The following GPSM3 variants were observed in gnomAD, a reference collection of about 807,000 sequenced individuals.
GPSM3 encodes the protein G protein-signaling modulator 3.
A neutral mutation model predicts 20.4 loss-of-function variants in GPSM3; 16 were observed. The ratio of observed to expected loss-of-function variants is 0.78; its 90% CI spans 0.53 to 1.19. The LOEUF is 1.19. GPSM3 is among the 50% of genes most tolerant of loss of function. The pLI is 0.00. For missense variants in GPSM3, 177 were observed against 204.6 expected, an observed-to-expected ratio of 0.86 and a Z score of 0.82; for synonymous variants, 70 against 79.6, an observed-to-expected ratio of 0.88 and a Z score of 0.64.
Position 32,191,105 on chromosome 6 carries a change from G to A in GPSM3, c.*261C>T, listed in dbSNP as rs1787478114. The A allele has an allele frequency of 4.5e-6, 2 of 441,342 alleles. No individual in the cohort carries two copies. The highest frequency in any genetic ancestry group is 7.7e-5 in the East Asian group (2 of 25,896). The allele number at this position is 441,342 out of a possible 1,614,324, so 27.3% of individuals were successfully genotyped here. ...CTCCCAGCCACTCCTTGAGATGGGT[G>A]CCTGGGATCCCCCTTACTGCCTCAA... is the stretch of plus-strand genomic sequence containing the variant. On this transcript the variant is annotated 3_prime_UTR_variant, in exon 4 of 4. Transcript: ENST00000375040. The surrounding 1 kb of genome is among the most constrained non-coding windows in gnomAD (Gnocchi z 5.9).
At position 32,191,457 on chromosome 6, in the gene GPSM3, C is replaced by A. The variant is rs377714438; in HGVS notation, c.392G>T (p.Gly131Val). 2 of 1,587,094 alleles carry A rather than the reference C, an allele frequency of 1.3e-6. No homozygotes were observed. The highest frequency in any genetic ancestry group is 8.6e-7 in the Non-Finnish European group (1 of 1,168,190). The change falls in exon 4 of 4, where the codon GGG becomes GTG. Residue 131 changes from glycine to valine, a missense_variant. Physicochemically the swap from Gly to Val is moderately radical, Grantham distance 109 (BLOSUM62 -3). Coordinates refer to ENST00000375040, the MANE Select transcript of GPSM3 (RefSeq NM_001276501.2). The surrounding 1 kb of genome is among the most constrained non-coding windows in gnomAD (Gnocchi z 5.9). The part of the protein sequence containing the change: ...AQRSEPPLPP[G>V]GQELLELLLR... The stretch of plus-strand genomic sequence containing the variant: ...CAGCAACTCCAGGAGCTCTTGCCCC[C>A]CTGGAGGGAGGGGAGGCTCTGACCG...
rs1172303308 is a variant in GPSM3, at chr6:32,192,568, C to CTGGA, written c.-59_-56dup. 1 of 1,330,536 alleles carries CTGGA rather than the reference C, an allele frequency of 7.5e-7. No individual in the cohort carries two copies. Among genetic ancestry groups the CTGGA allele is most frequent in the East Asian group, 2.8e-5 (1 of 35,780 alleles). The allele number at this position is 1,330,536 out of a possible 1,614,324, so 82.4% of individuals were successfully genotyped here. On this transcript the variant is annotated 5_prime_UTR_variant, in exon 1 of 4. Coordinates refer to ENST00000375040, the MANE Select transcript of GPSM3 (RefSeq NM_001276501.2). The surrounding 1 kb of genome is among the most constrained non-coding windows in gnomAD (Gnocchi z 5.1). ...GGGTGGCTGGGATTTGGGAGGAGGG[C>CTGGA]TGGAACCTTGGGTTCCTGAGGGGAG... is the stretch of plus-strand genomic sequence containing the variant.
Position 32,192,271 on chromosome 6 carries a change from T to C in GPSM3, c.43-21A>G, listed in dbSNP as rs1383921029. ...GGGCCCTGATGCCAAAATATGTCCA[T>C]TCTAGTCAAGCAGTGGTGGTTGAAG... is the stretch of plus-strand genomic sequence containing the variant. On this transcript the variant is annotated intron_variant, in intron 1 of 3. Coordinates refer to ENST00000375040, the MANE Select transcript of GPSM3 (RefSeq NM_001276501.2). This position sits in a 1 kb window ranked among gnomAD's most constrained non-coding sequence, Gnocchi z 5.1. 1.3e-6 allele frequency: 2 copies of C among 1,513,760 alleles called. No homozygotes were observed. Among genetic ancestry groups the C allele is most frequent in the East Asian group, 2.3e-5 (1 of 43,410 alleles). 93.8% of individuals were successfully genotyped at this position (1,513,760 alleles called of 1,614,324 possible). A position where few individuals can be genotyped will look rare whatever the true frequency, so the allele number is the denominator to read the frequency against.
At chr6:32,193,284 G>A (rs1378279357), upstream of GPSM3, among the ~76,000 whole-genome samples, 2 of 152,100 alleles carry the variant, frequency 1.3e-5, no homozygotes, top group East Asian at 3.8e-4. This position sits in a 1 kb window ranked among gnomAD's most constrained non-coding sequence, Gnocchi z 4.7. Flanking sequence ...TGGATTGCCT[G>A]AGCTCAGGAG....
Position 32,191,779 on chromosome 6 carries a change from C to G in GPSM3, c.275G>C (p.Ser92Thr). The change falls in exon 3 of 4, where the codon AGC becomes ACC. Residue 92 changes from serine to threonine, a missense_variant. Transcript: ENST00000375040. The surrounding 1 kb of genome is among the most constrained non-coding windows in gnomAD (Gnocchi z 5.9). ...AGGACGGAGTGGGGCAGGGGCTAGG[C>G]TTGAGGGGTTTTGGGGGGTGTAGAA... ...ATFYTPQNPS[S>T]LAPAPLRPLE... The G allele has an allele frequency of 6.2e-7, 1 of 1,612,446 alleles. No individual in the cohort carries two copies.
At chr6:32,192,828 C>A (rs998798808), upstream of GPSM3, 5 of 342,882 alleles carry the variant, frequency 1.5e-5, no homozygotes, top group Non-Finnish European at 2.6e-5. This position sits in a 1 kb window ranked among gnomAD's most constrained non-coding sequence, Gnocchi z 5.1. Context: ...GGACTCCTGG[C>A]GGTCTCATCT....
rs116519179 is a variant in GPSM3, at chr6:32,191,965, G to A, written c.146-57C>T. 0.015 allele frequency: 22,575 copies of A among 1,499,144 alleles called. 223 individuals carry two copies. The highest frequency in any genetic ancestry group is 0.018 in the Non-Finnish European group (19,196 of 1,081,356). 92.9% of individuals were successfully genotyped at this position (1,499,144 alleles called of 1,614,324 possible). ...CCAGAGAGGTTGGCAGACAGGAGCC[G>A]TGGGGGAGTGTGGACAGGGTGACGT... On this transcript the variant is annotated intron_variant, in intron 2 of 3. Transcript: ENST00000375040. The surrounding 1 kb of genome is among the most constrained non-coding windows in gnomAD (Gnocchi z 5.9).
chr6:32,191,683 G>A lies in GPSM3; in HGVS notation c.345+26C>T, dbSNP rs776463249. 6.4e-7 allele frequency: 1 copy of A among 1,561,908 alleles called. No homozygotes were observed. Among genetic ancestry groups the A allele is most frequent in the South Asian group, 1.2e-5 (1 of 86,342 alleles). ...GGGGCCAAGAGACCAGGAGGCCTGG[G>A]TTTGCCTCCTGGGGGGATGTCTTAC... On this transcript the variant is annotated intron_variant, in intron 3 of 3. Transcript: ENST00000375040. The surrounding 1 kb of genome is among the most constrained non-coding windows in gnomAD (Gnocchi z 5.9).
upstream of GPSM3, chr6:32,194,861 T>G (rs1787751868): frequency 8.6e-6 from 2 of 233,140 alleles, no homozygotes; most frequent in Non-Finnish European, 1.7e-5. This position sits in a 1 kb window ranked among gnomAD's most constrained non-coding sequence, Gnocchi z 4.5. Context: ...CAAATCAGCT[T>G]TATTATGGGT....
At chr6:32,192,900 CTCTT>C (rs564291678), upstream of GPSM3, 125 of 217,984 alleles carry the variant, frequency 5.7e-4, no homozygotes, top group Non-Finnish European at 9.8e-4. The surrounding 1 kb of genome is among the most constrained non-coding windows in gnomAD (Gnocchi z 5.1). Context: ...TCCTCTTCTG[CTCTT>C]TCTGTCAACA....
At position 32,192,003 on chromosome 6, in the gene GPSM3, T is replaced by C; in HGVS notation, c.146-95A>G. On this transcript the variant is annotated intron_variant, in intron 2 of 3. Transcript: ENST00000375040. The surrounding 1 kb of genome is among the most constrained non-coding windows in gnomAD (Gnocchi z 5.1). ...GACAGGGTGACGTGATTAGGGACTT[T>C]GGATCAGAGGAGAGGGGGTGCAATG... 7.5e-7 allele frequency: 1 copy of C among 1,333,466 alleles called. No homozygotes were observed. The highest frequency in any genetic ancestry group is 1.1e-6 in the Non-Finnish European group (1 of 943,534). The allele number at this position is 1,333,466 out of a possible 1,614,324, so 82.6% of individuals were successfully genotyped here.
chr6:32,192,239 C>G lies in GPSM3; in HGVS notation c.54G>C (p.Gln18His). ...TTGGAGGGGGCCAGCCTTCCTCATC[C>G]TGAGGGGGGCCCTGATGCCAAAATA... is the stretch of plus-strand genomic sequence containing the variant. ...EEEDGEQGPPQDEEGWPPPNS... is the reference protein window; with the variant it reads ...EEEDGEQGPPHDEEGWPPPNS... The change falls in exon 2 of 4, where the codon CAG (glutamine) becomes CAC (histidine). Residue 18 changes from glutamine to histidine, a missense_variant. Coordinates refer to ENST00000375040, the MANE Select transcript of GPSM3 (RefSeq NM_001276501.2). This position sits in a 1 kb window ranked among gnomAD's most constrained non-coding sequence, Gnocchi z 5.1. 2 of 1,518,362 alleles carry G rather than the reference C, an allele frequency of 1.3e-6. No homozygotes were observed. The highest frequency in any genetic ancestry group is 2.6e-5 in the South Asian group (2 of 75,578). 94.1% of individuals were successfully genotyped at this position (1,518,362 alleles called of 1,614,324 possible).
chr6:32,192,675 C>T, upstream of GPSM3: 1 of 478,946 alleles, frequency 2.1e-6, no homozygotes, highest in South Asian at 3.3e-5. This position sits in a 1 kb window ranked among gnomAD's most constrained non-coding sequence, Gnocchi z 5.1. Context: ...GTCAGCCCCC[C>T]CACGGGCCCC....
chr6:32,191,570 C>A lies in GPSM3; in HGVS notation c.346-67G>T. 2 of 1,515,208 alleles carry A rather than the reference C, an allele frequency of 1.3e-6. No homozygotes were observed. The highest frequency in any genetic ancestry group is 1.8e-6 in the Non-Finnish European group (2 of 1,130,810). 93.9% of individuals were successfully genotyped at this position (1,515,208 alleles called of 1,614,324 possible). On this transcript the variant is annotated intron_variant, in intron 3 of 3. Transcript: ENST00000375040. This position sits in a 1 kb window ranked among gnomAD's most constrained non-coding sequence, Gnocchi z 5.9. Reference sequence around the variant, plus strand: ...GAGAGGAGGAGGTTCTTGAGAGGATCAAGGGTTGGTATGGGGAGGCATATA... The same window carrying A: ...GAGAGGAGGAGGTTCTTGAGAGGATAAAGGGTTGGTATGGGGAGGCATATA...
Position 32,192,122 on chromosome 6 carries a change from G to C in GPSM3, c.145+26C>G. ...GTCAGGATGTGGGCACTAGGGTCGG[G>C]GCTCTCCCTGGGTGGGTAGGGGTAC... On this transcript the variant is annotated intron_variant, in intron 2 of 3. Transcript: ENST00000375040. This position sits in a 1 kb window ranked among gnomAD's most constrained non-coding sequence, Gnocchi z 5.1. The C allele has an allele frequency of 1.3e-6, 2 of 1,491,596 alleles. No individual in the cohort carries two copies. The highest frequency in any genetic ancestry group is 1.8e-6 in the Non-Finnish European group (2 of 1,111,868). 92.4% of individuals were successfully genotyped at this position (1,491,596 alleles called of 1,614,324 possible).
upstream of GPSM3, chr6:32,195,315 T>C (rs1582759009): frequency 1.1e-6 from 1 of 920,772 alleles, no homozygotes; most frequent in African/African-American, 1.7e-5. This position sits in a 1 kb window ranked among gnomAD's most constrained non-coding sequence, Gnocchi z 5.4. Flanking sequence ...ACATTCATTT[T>C]AGGAGAGAAA....
chr6:32,191,864 G>A lies in GPSM3; in HGVS notation c.190C>T (p.Leu64Phe), dbSNP rs1333438674. The A allele has an allele frequency of 6.2e-7, 1 of 1,611,972 alleles. No homozygotes were observed. The change falls in exon 3 of 4, where the codon CTC becomes TTC. Residue 64 changes from leucine (L) to phenylalanine (F), a missense_variant. Transcript: ENST00000375040. The surrounding 1 kb of genome is among the most constrained non-coding windows in gnomAD (Gnocchi z 5.9). ...SASLLSLQTE[L>F]LLDLVAEAQS... ...GCTTCAGCCACCAGGTCCAGAAGGAGTTCAGTCTGCAGGGAGAGCAGGGAG... is the reference window on the plus strand; with the variant it reads ...GCTTCAGCCACCAGGTCCAGAAGGAATTCAGTCTGCAGGGAGAGCAGGGAG...
chr6:32,192,061 G>GA lies in GPSM3; in HGVS notation c.145+86dup, dbSNP rs1787562884. On this transcript the variant is annotated intron_variant, in intron 2 of 3. Transcript: ENST00000375040. The surrounding 1 kb of genome is among the most constrained non-coding windows in gnomAD (Gnocchi z 5.1). ...CCAAGGGGAGTCTGGAGGAGGTGGG[G>GA]AGAGGGCCCACAATGGAGTGGGCCT... The GA allele has an allele frequency of 1.6e-6, 2 of 1,287,330 alleles. No homozygotes were observed. The allele number at this position is 1,287,330 out of a possible 1,614,324, so 79.7% of individuals were successfully genotyped here.
chr6:32,195,235 C>T, upstream of GPSM3: 1 of 588,994 alleles, frequency 1.7e-6, no homozygotes, highest in African/African-American at 1.9e-5. The surrounding 1 kb of genome is among the most constrained non-coding windows in gnomAD (Gnocchi z 5.4). Context: ...CCTGCCTCAT[C>T]CTAGCATCTT....
Sources: gnomAD v4.1 joint callset for allele counts (sites outside exome capture counted in the v4.1 genomes callset) on GRCh38, gnomAD v4.1.1 for gene constraint, Gnocchi (gnomAD v3.1) non-coding constraint, MANE v1.5 for transcripts, NCBI Gene and HGNC (gene_info 2026-07-23, HGNC 2026-07-21) for gene names.